MAPT: variants seen among roughly 807,000 people sequenced by gnomAD.
The protein encoded by MAPT is microtubule-associated protein tau.
MAPT carries 34 observed loss-of-function variants against 67.9 expected under a neutral mutation model. That is an observed-to-expected ratio of 0.50 (90% CI 0.38 to 0.67). The LOEUF is 0.67. Ranked by LOEUF, MAPT falls within the 30% of genes least tolerant of loss-of-function variation. The probability of loss-of-function intolerance (pLI) is 0.00; values close to 1 mark genes in which losing one functional copy is unlikely to be tolerated. For missense variants in MAPT, 881 were observed against 1,115.2 expected, an observed-to-expected ratio of 0.79 and a Z score of 2.99; for synonymous variants, 456 against 464.5, an observed-to-expected ratio of 0.98 and a Z score of 0.23.
At chr17:45,922,403 T>G (rs1030176555) in intron 1 of MAPT, among the ~76,000 whole-genome samples, 2 of 151,984 alleles carry the variant, frequency 1.3e-5, no homozygotes, top group Non-Finnish European at 2.9e-5. Context: ...TTTGAAAATG[T>G]CTGGCACTTC....
intron 1 of MAPT, among the ~76,000 whole-genome samples, chr17:45,909,066 G>A (rs12150125): frequency 0.14 from 21,842 of 152,254 alleles, 2,139 homozygotes; most frequent in Middle Eastern, 0.22. Flanking sequence ...GGATCCCAGC[G>A]GGAGCTGCAG....
chr17:45,904,547 C>T lies in MAPT; in HGVS notation c.-18+9861C>T, dbSNP rs144672993. 7.6e-3 allele frequency among the ~76,000 whole-genome samples: 1,130 copies of T among 149,412 alleles called. 60 individuals carry two copies. The highest frequency in any genetic ancestry group is 0.067 in the Admixed American group (975 of 14,490). On this transcript the variant is annotated intron_variant, in intron 1 of 12. Transcript: ENST00000262410. The stretch of plus-strand genomic sequence containing the variant: ...TACAAAAGGAAACTGTAAAAATTAG[C>T]TGGGCATGATGGCATGTGTCTGTAG...
At chr17:46,006,636 T>C (rs112836774) in intron 9 of MAPT, among the ~76,000 whole-genome samples, 21,478 of 151,286 alleles carry the variant, frequency 0.14, 1,972 homozygotes, top group Non-Finnish European at 0.21. Flanking sequence ...AAAAATTAGC[T>C]GGGCATGGTG....
chr17:46,025,052 T>A lies in MAPT; in HGVS notation c.*881T>A, dbSNP rs1053339851. On this transcript the variant is annotated 3_prime_UTR_variant, in exon 13 of 13. Coordinates refer to ENST00000262410, the MANE Select transcript of MAPT (RefSeq NM_001377265.1). ...GGCCTCTTCCTCCCTCCCTGCAGGG[T>A]AGGGGGCCTGAGTTGAGGGGCTTCC... is the stretch of plus-strand genomic sequence containing the variant. The A allele has an allele frequency of 1.3e-5, 2 of 152,108 alleles. No individual in the cohort carries two copies. Among genetic ancestry groups the A allele is most frequent in the African/African-American group, 4.8e-5 (2 of 41,434 alleles). The allele number at this position is 152,108 out of a possible 1,614,324, so 9.4% of individuals were successfully genotyped here.
At chr17:45,991,632 A>G in intron 8 of MAPT, 46 bp downstream of exon 8, 1 of 1,613,892 alleles carries the variant, frequency 6.2e-7, no homozygotes. Context: ...TGAAGCTCTC[A>G]GAGGTACAGC....
chr17:45,941,143 C>T (rs1046492795), intron 1 of MAPT, among the ~76,000 whole-genome samples: 2 of 152,176 alleles, frequency 1.3e-5, no homozygotes, highest in Non-Finnish European at 2.9e-5. Flanking sequence ...AGCTGGGAGG[C>T]CACAACTCCT....
At chr17:45,954,567 G>A (rs2069417256) in intron 1 of MAPT, among the ~76,000 whole-genome samples, 1 of 152,174 alleles carries the variant, frequency 6.6e-6, no homozygotes, top group African/African-American at 2.4e-5. Context: ...AGGCTGCAGT[G>A]AGCTGTGATG....
rs73984655 is a variant in MAPT at position 45,970,917 on chromosome 17, T to A, written c.134-942T>A. On this transcript the variant is annotated intron_variant, in intron 2 of 12. Transcript: ENST00000262410. The stretch of plus-strand genomic sequence containing the variant: ...GTGTGCTCCCAGAGCACAGGCTGTA[T>A]CTTCTGAGCATTTTGTCCCTTCCCA... 3.5e-3 allele frequency among the ~76,000 whole-genome samples: 526 copies of A among 152,344 alleles called. 2 individuals are homozygous for A. Among genetic ancestry groups the A allele is most frequent in the African/African-American group, 0.012 (498 of 41,586 alleles).
chr17:45,900,142 G>T (rs1049056701), intron 1 of MAPT, among the ~76,000 whole-genome samples: 13 of 152,182 alleles, frequency 8.5e-5, no homozygotes, highest in African/African-American at 2.7e-4. Context: ...GAATCTTTTG[G>T]CAAAGATGGG....
At chr17:45,944,188 A>G (rs1467157384) in intron 1 of MAPT, among the ~76,000 whole-genome samples, 1 of 152,080 alleles carries the variant, frequency 6.6e-6, no homozygotes, top group African/African-American at 2.4e-5. Flanking sequence ...CATCATCCCC[A>G]TGTTTCAAAT....
At chr17:46,003,699 A>G (rs774163099) in intron 9 of MAPT, among the ~76,000 whole-genome samples, 3 of 152,222 alleles carry the variant, frequency 2.0e-5, no homozygotes, top group Non-Finnish European at 4.4e-5. Flanking sequence ...CCTCTCCTCA[A>G]TCAGGGCCAG....
At chr17:45,944,789 C>A (rs369496480) in intron 1 of MAPT, among the ~76,000 whole-genome samples, 17 of 152,280 alleles carry the variant, frequency 1.1e-4, no homozygotes, top group African/African-American at 3.8e-4. Context: ...AGAGGCCTCG[C>A]AGCACCCGGA....
At chr17:45,905,159 C>T in intron 1 of MAPT, among the ~76,000 whole-genome samples, 1 of 152,220 alleles carries the variant, frequency 6.6e-6, no homozygotes, top group East Asian at 1.9e-4. Context: ...GAGGATTTTG[C>T]AGAACATCCC....
chr17:45,923,462 C>T (rs1350746279), intron 1 of MAPT, among the ~76,000 whole-genome samples: 2 of 152,252 alleles, frequency 1.3e-5, no homozygotes. Flanking sequence ...CCCTGATTTA[C>T]TTGTGGGCAC....
chr17:45,991,623 G>A (rs777854634), intron 8 of MAPT, 37 bp downstream of exon 8: 11 of 1,613,950 alleles, frequency 6.8e-6, no homozygotes, highest in Non-Finnish European at 9.3e-6. Context: ...AGAGGAAGCT[G>A]AAGCTCTCAG....
Position 45,983,038 on chromosome 17 carries a change from G to A in MAPT, c.459G>A (p.Gln153=). Residue 153 remains glutamine, a synonymous_variant, in exon 5 of 13, where the codon CAG becomes CAA. Transcript: ENST00000262410. Reference sequence around the variant, plus strand: ...TCCCGCTGACCGCGAGCCTTCCTCAGCACCGTCCCGTTTGCCCAGCGCCTC... The same window carrying A: ...TCCCGCTGACCGCGAGCCTTCCTCAACACCGTCCCGTTTGCCCAGCGCCTC... ...APVPLTASLP[Q]HRPVCPAPPP... is the part of the protein sequence containing the mutation. The A allele has an allele frequency of 6.6e-7, 1 of 1,509,256 alleles. No individual in the cohort carries two copies. Among genetic ancestry groups the A allele is most frequent in the Non-Finnish European group, 8.9e-7 (1 of 1,125,740 alleles). The allele number at this position is 1,509,256 out of a possible 1,614,324, so 93.5% of individuals were successfully genotyped here.
At chr17:45,931,368 A>G (rs1169772069) in intron 1 of MAPT, among the ~76,000 whole-genome samples, 1 of 152,258 alleles carries the variant, frequency 6.6e-6, no homozygotes, top group East Asian at 1.9e-4. Context: ...CTGTACATAT[A>G]ATTGCACCAG....
At chr17:45,931,014 A>G (rs1009997756) in intron 1 of MAPT, among the ~76,000 whole-genome samples, 1 of 152,172 alleles carries the variant, frequency 6.6e-6, no homozygotes, top group African/African-American at 2.4e-5. Flanking sequence ...TGAGCTTCAC[A>G]TCCTAGAATT....
At chr17:45,904,255 T>TAAA (rs2064069729) in intron 1 of MAPT, among the ~76,000 whole-genome samples, 2 of 50,750 alleles carry the variant, frequency 3.9e-5, no homozygotes, top group African/African-American at 1.3e-4. Context: ...ATATTATATA[T>TAAA]TATATATTAT....
Sources: allele counts gnomAD v4.1 joint callset (sites outside exome capture counted in the v4.1 genomes callset), GRCh38; gene constraint gnomAD v4.1.1; transcripts MANE v1.5; gene names NCBI Gene and HGNC (gene_info 2026-07-23, HGNC 2026-07-21).